Variants in CPXM2 observed in about 807,000 individuals in gnomAD.
CPXM2 encodes inactive carboxypeptidase-like protein X2.
A neutral mutation model predicts 86.1 loss-of-function variants in CPXM2; 66 were observed. The ratio of observed to expected loss-of-function variants is 0.77; its 90% CI spans 0.63 to 0.94. The LOEUF is 0.94. Among genes scored for constraint, CPXM2 ranks in the 40% least tolerant of loss-of-function variants. The pLI is 0.00. For missense variants in CPXM2, 948 were observed against 1,026.3 expected (o/e 0.92, Z 1.04); for synonymous variants, 388 against 400.2 (o/e 0.97, Z 0.36).
chr10:123,876,570 C>T (rs1163962680), intron 2 of CPXM2, among the ~76,000 whole-genome samples: 1 of 152,148 alleles, frequency 6.6e-6, no homozygotes, highest in Non-Finnish European at 1.5e-5. Context: ...ATACAGCCCA[C>T]CGCCTGTTTT....
chr10:123,839,796 G>A (rs772724506), intron 4 of CPXM2, among the ~76,000 whole-genome samples: 7 of 152,166 alleles, frequency 4.6e-5, no homozygotes, highest in Admixed American at 2.0e-4. Flanking sequence ...TTCAGTCCTC[G>A]TTGGAGACAG....
Position 123,780,036 on chromosome 10 carries a change from C to G in CPXM2, c.978+131G>C. The G allele has an allele frequency of 4.5e-6, 3 of 665,420 alleles. No individual in the cohort carries two copies. The South Asian group carries it at 5.3e-5, about 12-fold the overall frequency. The allele number at this position is 665,420 out of a possible 1,614,324, so 41.2% of individuals were successfully genotyped here. A position where few individuals can be genotyped will look rare whatever the true frequency, so the allele number is the denominator to read the frequency against. On this transcript the variant is annotated intron_variant, in intron 7 of 13. Coordinates refer to ENST00000241305, the MANE Select transcript of CPXM2 (RefSeq NM_198148.3). Reference sequence around the variant, plus strand: ...AAATGACAAGCATTTAGTGTGTCTTCAGCAAACCAAATGATCATTCAGATC... The same window carrying G: ...AAATGACAAGCATTTAGTGTGTCTTGAGCAAACCAAATGATCATTCAGATC...
At chr10:123,899,091 T>G (rs28481473) in intron 2 of CPXM2, among the ~76,000 whole-genome samples, 18,378 of 152,242 alleles carry the variant, frequency 0.12, 1,426 homozygotes, top group African/African-American at 0.21. Context: ...GAGGGAAATC[T>G]ACTTAGATAA....
At chr10:123,830,498 T>C (rs1270310438) in intron 4 of CPXM2, among the ~76,000 whole-genome samples, 2 of 152,170 alleles carry the variant, frequency 1.3e-5, no homozygotes. Context: ...GCACTGGCTG[T>C]TGCCCACCTC....
In CPXM2 at chr10:123,865,795, ACTGCC is replaced by A. The variant is rs760928604; in HGVS notation, c.404-3077_404-3073del. On this transcript the variant is annotated intron_variant, in intron 2 of 13. Coordinates refer to ENST00000241305, the MANE Select transcript of CPXM2 (RefSeq NM_198148.3). The surrounding 1 kb of genome is among the most constrained non-coding windows in gnomAD (Gnocchi z 4.7). ...AGCTTCTGAGTTATGGGTTCTTCCAACTGCCTCCTCCTGGCCAACCCCAGGAGGGG... is the reference window on the plus strand; with the variant it reads ...AGCTTCTGAGTTATGGGTTCTTCCAATCCTCCTGGCCAACCCCAGGAGGGG... Among the ~76,000 whole-genome samples, 15 of 152,116 alleles carry A rather than the reference ACTGCC, an allele frequency of 9.9e-5. No individual in the cohort carries two copies. The highest frequency in any genetic ancestry group is 1.8e-4 in the Non-Finnish European group (12 of 68,010).
chr10:123,889,143 C>T (rs935514900), intron 1 of CPXM2, among the ~76,000 whole-genome samples: 6 of 152,214 alleles, frequency 3.9e-5, no homozygotes, highest in African/African-American at 1.2e-4. Flanking sequence ...GAGTCACTTC[C>T]CCATGTAACC....
intron 2 of CPXM2, among the ~76,000 whole-genome samples, chr10:123,867,516 G>A (rs1458259138): frequency 1.4e-5 from 2 of 147,874 alleles, no homozygotes; most frequent in Admixed American, 6.7e-5. Context: ...CGTCATCCTA[G>A]AGATTTCTTT....
intron 2 of CPXM2, among the ~76,000 whole-genome samples, chr10:123,875,422 G>A (rs867691983): frequency 1.3e-5 from 2 of 152,142 alleles, no homozygotes; most frequent in South Asian, 2.1e-4. Context: ...TGAAATACAG[G>A]CATGGCAGTT....
intron 2 of CPXM2, among the ~76,000 whole-genome samples, chr10:123,872,880 T>C (rs2134215958): frequency 6.6e-6 from 1 of 151,872 alleles, no homozygotes; most frequent in South Asian, 2.1e-4. Context: ...ACACTGTTCA[T>C]CCTTTGTATA....
chr10:123,931,628 G>A (rs1369323135), intron 2 of CPXM2: 1 of 152,136 alleles, frequency 6.6e-6, no homozygotes, highest in African/African-American at 2.4e-5. Flanking sequence ...CTCATACAGG[G>A]CAATATTTGA....
intron 2 of CPXM2, among the ~76,000 whole-genome samples, chr10:123,914,598 C>A (rs1484019234): frequency 3.3e-5 from 5 of 152,226 alleles, no homozygotes; most frequent in Non-Finnish European, 7.3e-5. Flanking sequence ...CTGCCAACAA[C>A]ACCATTTTAT....
rs1445095861 is a variant in CPXM2 at position 123,885,942 on chromosome 10, G to C, written c.304+5414C>G. ...AGCATGCAGTCCAGCTTTCGCAAACGTGGGTGTGTCCTCCTTTATTATCCA... is the reference window on the plus strand; with the variant it reads ...AGCATGCAGTCCAGCTTTCGCAAACCTGGGTGTGTCCTCCTTTATTATCCA... On this transcript the variant is annotated intron_variant, in intron 1 of 13. Transcript: ENST00000241305. This position sits in a 1 kb window ranked among gnomAD's most constrained non-coding sequence, Gnocchi z 4.0. Among the ~76,000 whole-genome samples the C allele has an allele frequency of 6.6e-6, 1 of 152,224 alleles. No individual in the cohort carries two copies. The highest frequency in any genetic ancestry group is 2.4e-5 in the African/African-American group (1 of 41,462).
At chr10:123,784,344 C>G (rs990894722) in intron 6 of CPXM2, among the ~76,000 whole-genome samples, 4 of 152,186 alleles carry the variant, frequency 2.6e-5, no homozygotes, top group Non-Finnish European at 5.9e-5. Flanking sequence ...TGACACCTTG[C>G]TCTCGGCTTC....
At chr10:123,912,092 A>T (rs1237127486) in intron 2 of CPXM2, among the ~76,000 whole-genome samples, 1 of 152,020 alleles carries the variant, frequency 6.6e-6, no homozygotes, top group African/African-American at 2.4e-5. Context: ...GCATTGGCAT[A>T]CTTCCAGGAT....
At position 123,822,722 on chromosome 10, in the gene CPXM2, GAA is replaced by G. The variant is rs1164695592; in HGVS notation, c.653+19625_653+19626del. 4.5e-4 allele frequency among the ~76,000 whole-genome samples: 11 copies of G among 24,614 alleles called. No individual in the cohort carries two copies. The East Asian group carries it at 0.019, about 43-fold the overall frequency. 16.1% of individuals were successfully genotyped at this position (24,614 alleles called of 152,430 possible). On this transcript the variant is annotated intron_variant, in intron 4 of 13. Transcript: ENST00000241305. ...AAAGTAGGCAGCAGAAAATGGACCT[GAA>G]AATAATAATAATAATAATAATAATA... is the stretch of plus-strand genomic sequence containing the variant.
At chr10:123,910,636 G>A (rs1945480547) in intron 2 of CPXM2, among the ~76,000 whole-genome samples, 1 of 152,200 alleles carries the variant, frequency 6.6e-6, no homozygotes, top group Admixed American at 6.5e-5. Flanking sequence ...AGGCATAACT[G>A]GTGTGAAATA....
chr10:123,862,701 T>C lies in CPXM2; in HGVS notation c.426A>G (p.Glu142=). 6.2e-7 allele frequency: 1 copy of C among 1,606,190 alleles called. No homozygotes were observed. Among genetic ancestry groups the C allele is most frequent in the South Asian group, 1.1e-5 (1 of 90,680 alleles). ...GCTGGAAGTCTGTGATTTTTAAGGT[T>C]TCCAGACCAAGAGGTGGGCAACCTG... ...VRESCPPLGL[E]TLKITDFQLH... Residue 142 remains glutamate, a synonymous_variant, in exon 3 of 14, where the codon GAA becomes GAG. Transcript: ENST00000241305.
At chr10:123,928,998 G>C (rs1256021188) in intron 2 of CPXM2, among the ~76,000 whole-genome samples, 1 of 152,186 alleles carries the variant, frequency 6.6e-6, no homozygotes, top group Non-Finnish European at 1.5e-5. Context: ...GTGGAGCAGG[G>C]GGGCACTCCT....
chr10:123,750,425 A>T, intron 13 of CPXM2: 1 of 980,710 alleles, frequency 1.0e-6, no homozygotes, highest in Non-Finnish European at 1.2e-6. Context: ...CTTTGCAATT[A>T]CTGTTCCCTC....
Sources: allele counts gnomAD v4.1 joint callset (sites outside exome capture counted in the v4.1 genomes callset), GRCh38; gene constraint gnomAD v4.1.1; non-coding constraint Gnocchi (gnomAD v3.1); transcripts MANE v1.5; gene names NCBI Gene and HGNC (gene_info 2026-07-23, HGNC 2026-07-21).